The following SPATS2L variants were observed in gnomAD, a reference collection of about 807,000 sequenced individuals.
SPATS2L encodes the protein spermatogenesis associated serine rich 2 like.
Under a neutral mutation model 59.6 loss-of-function variants are expected in SPATS2L, and 30 were observed. The observed-to-expected ratio is 0.50, with a 90% CI of 0.38 to 0.68. The LOEUF is 0.68. SPATS2L is among the 30% of genes least tolerant of loss of function. The pLI is 0.00. For missense variants in SPATS2L, 615 were observed against 700.0 expected (o/e 0.88, Z 1.37); for synonymous variants, 252 against 263.5 (o/e 0.96, Z 0.42).
intron 2 of SPATS2L, among the ~76,000 whole-genome samples, chr2:200,381,737 C>G (rs1264196267): frequency 6.6e-6 from 1 of 152,126 alleles, no homozygotes; most frequent in Non-Finnish European, 1.5e-5. Context: ...AATTGACTTC[C>G]TACGCACAAA....
chr2:200,369,089 A>G (rs2081347224), intron 2 of SPATS2L, among the ~76,000 whole-genome samples: 1 of 7,102 alleles, frequency 1.4e-4, no homozygotes, highest in Non-Finnish European at 8.8e-4. Context: ...AAAAAAAAAA[A>G]AAAAGAAGAG....
At chr2:200,451,725 T>G (rs2085458450) in intron 8 of SPATS2L, among the ~76,000 whole-genome samples, 1 of 152,172 alleles carries the variant, frequency 6.6e-6, no homozygotes, top group Non-Finnish European at 1.5e-5. Context: ...TGGCACTTCT[T>G]GTACTATATC....
intron 2 of SPATS2L, among the ~76,000 whole-genome samples, chr2:200,386,162 G>A (rs1015374657): frequency 1.3e-5 from 2 of 152,150 alleles, no homozygotes; most frequent in African/African-American, 2.4e-5. Context: ...CCACCTGGAA[G>A]ATGGAGCCTG....
chr2:200,433,619 A>G (rs538686157), intron 6 of SPATS2L, among the ~76,000 whole-genome samples: 2 of 152,228 alleles, frequency 1.3e-5, no homozygotes, highest in African/African-American at 4.8e-5. Flanking sequence ...AAAATATAAT[A>G]AACCAATTTC....
chr2:200,355,539 C>G (rs577036292), intron 2 of SPATS2L, among the ~76,000 whole-genome samples: 1 of 152,298 alleles, frequency 6.6e-6, no homozygotes, highest in Non-Finnish European at 1.5e-5. Flanking sequence ...CTGTTTCACT[C>G]TTTACAAAAG....
chr2:200,409,273 C>T (rs2082793733), intron 3 of SPATS2L, among the ~76,000 whole-genome samples: 1 of 152,248 alleles, frequency 6.6e-6, no homozygotes, highest in Non-Finnish European at 1.5e-5. Context: ...AGCTTGGTTT[C>T]CAACTGCAAA....
chr2:200,413,347 A>G (rs1402001264), intron 4 of SPATS2L, among the ~76,000 whole-genome samples: 2 of 152,220 alleles, frequency 1.3e-5, no homozygotes, highest in Non-Finnish European at 2.9e-5. Context: ...TTGTTTAGGT[A>G]GTCCATTGCC....
rs141618776 is a variant in SPATS2L at position 200,357,946 on chromosome 2, G to C, written c.-23+28466G>C. On this transcript the variant is annotated intron_variant, in intron 2 of 12. Transcript: ENST00000409140. ...AGGCACCCAAGCACACATAGCCTGG[G>C]AGAGACTTGCTTAACCACTGAGACA... 3.0e-3 allele frequency among the ~76,000 whole-genome samples: 458 copies of C among 152,234 alleles called. 1 individual carries two copies. The highest frequency in any genetic ancestry group is 0.011 in the African/African-American group (439 of 41,546).
chr2:200,385,977 C>A (rs1470786174), intron 2 of SPATS2L, among the ~76,000 whole-genome samples: 1 of 152,214 alleles, frequency 6.6e-6, no homozygotes, highest in Non-Finnish European at 1.5e-5. Context: ...CAGGCGTGAG[C>A]CACCGCACCC....
intron 9 of SPATS2L, among the ~76,000 whole-genome samples, chr2:200,463,739 TC>T (rs1432982767): frequency 4.6e-5 from 7 of 152,348 alleles, no homozygotes; most frequent in African/African-American, 1.2e-4. Flanking sequence ...CTTTGTAAAT[TC>T]ATAGTAACAC....
chr2:200,477,720 G>A lies in SPATS2L; in HGVS notation c.1366G>A (p.Gly456Arg). The change falls in exon 13 of 13, where the codon GGG becomes AGG. Residue 456 changes from glycine to arginine, a missense_variant. By Grantham distance (125) the Gly-to-Arg change is moderately radical. Transcript: ENST00000409140. ...TGGGCCTGCCAAGTCGCAGGGCAGT[G>A]GGAATGAAGCCGAGCCACTGGGAAA... ...LNGPAKSQGS[G>R]NEAEPLGKGN... 2 of 1,565,574 alleles carry A rather than the reference G, an allele frequency of 1.3e-6. No individual in the cohort carries two copies. The highest frequency in any genetic ancestry group is 2.4e-5 in the East Asian group (1 of 41,966).
chr2:200,332,794 G>GTA (rs1201169168), intron 2 of SPATS2L, among the ~76,000 whole-genome samples: 1 of 148,298 alleles, frequency 6.7e-6, no homozygotes, highest in Non-Finnish European at 1.5e-5. Context: ...GTGTGTGTGT[G>GTA]TATGTATGTA....
At chr2:200,473,183 C>A in intron 12 of SPATS2L, 131 bp downstream of exon 12, 2 of 840,838 alleles carry the variant, frequency 2.4e-6, no homozygotes, top group Non-Finnish European at 3.6e-6. Flanking sequence ...TGCCCTCACC[C>A]ACTCCCCACC....
chr2:200,412,192 G>T, intron 3 of SPATS2L, 119 bp from the exon 4 acceptor site: 1 of 582,146 alleles, frequency 1.7e-6, no homozygotes. Flanking sequence ...CAAGAAGGTA[G>T]ATTAGTTGGC....
chr2:200,440,465 C>T (rs1399997060), intron 7 of SPATS2L, among the ~76,000 whole-genome samples, 184 bp from the exon 8 acceptor site: 4 of 152,194 alleles, frequency 2.6e-5, no homozygotes. Context: ...CTGGTGAAAT[C>T]ATAACAGCCT....
intron 3 of SPATS2L, among the ~76,000 whole-genome samples, chr2:200,403,127 A>T (rs537454525): frequency 6.6e-6 from 1 of 152,350 alleles, no homozygotes; most frequent in African/African-American, 2.4e-5. Context: ...TGATTAATTA[A>T]TGTGGCTCCT....
At chr2:200,430,640 A>G (rs1188621220) in intron 6 of SPATS2L, among the ~76,000 whole-genome samples, 1 of 151,356 alleles carries the variant, frequency 6.6e-6, no homozygotes, top group Non-Finnish European at 1.5e-5. Context: ...TGATTTAAAT[A>G]TCTGCATTGC....
chr2:200,352,508 A>G (rs1013902164), intron 2 of SPATS2L, among the ~76,000 whole-genome samples: 7 of 151,650 alleles, frequency 4.6e-5, no homozygotes, highest in Admixed American at 4.6e-4. Context: ...GAATCTGCTA[A>G]CCTGCTGCTT....
intron 2 of SPATS2L, among the ~76,000 whole-genome samples, chr2:200,367,183 C>A (rs2081290919): frequency 6.6e-6 from 1 of 152,178 alleles, no homozygotes; most frequent in Admixed American, 6.5e-5. Flanking sequence ...TACAGAATTT[C>A]TTTTATCTTT....
Sources: gnomAD v4.1 joint callset for allele counts (sites outside exome capture counted in the v4.1 genomes callset) on GRCh38, gnomAD v4.1.1 for gene constraint, MANE v1.5 for transcripts, NCBI Gene and HGNC (gene_info 2026-07-23, HGNC 2026-07-21) for gene names.